JMJD7: variants seen among roughly 807,000 people sequenced by gnomAD.
The protein encoded by JMJD7 is bifunctional peptidase and (3S)-lysyl hydroxylase JMJD7.
A neutral mutation model predicts 41.1 loss-of-function variants in JMJD7; 41 were observed. The ratio of observed to expected loss-of-function variants is 1.00; its 90% CI spans 0.78 to 1.30. The LOEUF (loss-of-function observed/expected upper bound fraction) is 1.30. Ranked by LOEUF, JMJD7 falls within the 50% of genes most tolerant of loss-of-function variation. JMJD7 has a pLI of 0.00. For synonymous variants in JMJD7, 202 were observed against 177.2 expected, an observed-to-expected ratio of 1.14 and a Z score of -1.11; for missense variants, 480 against 420.7, an observed-to-expected ratio of 1.14 and a Z score of -1.23.
intron 1 of JMJD7, 40 bp from the exon 2 acceptor site, chr15:41,834,700 A>G (rs1249653462): frequency 2.5e-6 from 4 of 1,603,886 alleles, no homozygotes; most frequent in Non-Finnish European, 3.4e-6. Context: ...GGTGCTGCAG[A>G]CATCAGCCCT....
intron 1 of JMJD7, among the ~76,000 whole-genome samples, chr15:41,830,009 C>T (rs2140873254): frequency 6.6e-6 from 1 of 152,330 alleles, no homozygotes; most frequent in South Asian, 2.1e-4. Context: ...TGTCATCATG[C>T]TGGCTGCAGT....
intron 1 of JMJD7, among the ~76,000 whole-genome samples, chr15:41,832,825 C>A (rs187766362): frequency 6.6e-6 from 1 of 152,308 alleles, no homozygotes; most frequent in Admixed American, 6.5e-5. Flanking sequence ...ATGTGGTAAC[C>A]ACCAAATGGG....
At chr15:41,834,418 G>A (rs1452958867) in intron 1 of JMJD7, among the ~76,000 whole-genome samples, 1 of 152,238 alleles carries the variant, frequency 6.6e-6, no homozygotes, top group Non-Finnish European at 1.5e-5. Flanking sequence ...CCTGGTAGAT[G>A]CTAGGAGGCT....
chr15:41,830,084 GT>G (rs1221621762), intron 1 of JMJD7, among the ~76,000 whole-genome samples: 5 of 152,152 alleles, frequency 3.3e-5, no homozygotes, highest in Admixed American at 6.5e-5. Context: ...TGAGTCCCCT[GT>G]TCCCTGCATC....
chr15:41,834,595 A>T, intron 1 of JMJD7, 145 bp from the exon 2 acceptor site: 1 of 1,203,028 alleles, frequency 8.3e-7, no homozygotes, highest in Non-Finnish European at 1.2e-6. Flanking sequence ...TCATCTTTCT[A>T]TTACTGGTTG....
chr15:41,835,774 A>G (rs981070873), intron 4 of JMJD7, 130 bp downstream of exon 4: 2 of 1,175,100 alleles, frequency 1.7e-6, no homozygotes, highest in African/African-American at 1.6e-5. Context: ...TTTGGCTTCT[A>G]GGACTCGGGC....
Position 41,828,107 on chromosome 15 carries a change from G to T in JMJD7, c.-18G>T. The T allele has an allele frequency of 7.0e-7, 1 of 1,435,576 alleles. No homozygotes were observed. The highest frequency in any genetic ancestry group is 9.1e-7 in the Non-Finnish European group (1 of 1,098,050). 88.9% of individuals were successfully genotyped at this position (1,435,576 alleles called of 1,614,324 possible). ...GGCGTCGGGGAAAGGCGGGGTCTCG[G>T]CCGGCGCTGACGCAGCCATGGCGGA... On this transcript the variant is annotated 5_prime_UTR_variant, in exon 1 of 8. Coordinates refer to ENST00000397299, the MANE Select transcript of JMJD7 (RefSeq NM_001114632.2).
At chr15:41,828,418 C>T in intron 1 of JMJD7, 1 of 450,852 alleles carries the variant, frequency 2.2e-6, no homozygotes, top group Non-Finnish European at 3.8e-6. Flanking sequence ...TGACCGTGGT[C>T]GCGGCGAAGC....
chr15:41,834,764 C>A lies in JMJD7; in HGVS notation c.89C>A (p.Pro30His). ...GAGCTCTGCGTGCCTCTTGCTGTGC[C>A]CTACCTGGACAAACCCCCAACTCCG... ...ARELCVPLAV[P>H]YLDKPPTPLH... Residue 30 changes from proline to histidine, a missense_variant, in exon 2 of 8, where the codon CCC (proline) becomes CAC (histidine). Pro to His is a moderately conservative substitution (Grantham distance 77). Coordinates refer to ENST00000397299, the MANE Select transcript of JMJD7 (RefSeq NM_001114632.2). The A allele has an allele frequency of 1.2e-6, 2 of 1,614,176 alleles. No homozygotes were observed. Among genetic ancestry groups the A allele is most frequent in the Middle Eastern group, 1.6e-4 (1 of 6,062 alleles).
rs370836266 is a variant in JMJD7, at chr15:41,836,151, A to T, written c.533A>T (p.His178Leu). 4 of 1,599,648 alleles carry T rather than the reference A, an allele frequency of 2.5e-6. No homozygotes were observed. Among genetic ancestry groups the T allele is most frequent in the Non-Finnish European group, 3.4e-6 (4 of 1,172,590 alleles). The stretch of plus-strand genomic sequence containing the variant: ...CGGGCCTTCTTTCTGTTGGCAGTGC[A>T]CAAGGACCACTATGAGAACCTCTAC... ...LGEAAAVTSL[H>L]KDHYENLYCV... is the part of the protein sequence containing the mutation. The change falls in exon 5 of 8, where the codon CAC (histidine) becomes CTC (leucine). Residue 178 changes from histidine (H) to leucine (L), a missense_variant. By Grantham distance (99) the His-to-Leu change is moderately conservative (BLOSUM62 -3). Transcript: ENST00000397299.
chr15:41,831,869 T>C (rs1400632692), intron 1 of JMJD7, among the ~76,000 whole-genome samples: 3 of 152,136 alleles, frequency 2.0e-5, no homozygotes, highest in African/African-American at 7.2e-5. Context: ...CTAAAAGAGC[T>C]GTAACATGAA....
In JMJD7 at chr15:41,837,343, T is replaced by A. The variant is rs1158055303; in HGVS notation, c.*187T>A. 1 of 591,240 alleles carries A rather than the reference T, an allele frequency of 1.7e-6. No individual in the cohort carries two copies. The highest frequency in any genetic ancestry group is 1.9e-5 in the African/African-American group (1 of 53,644). The allele number at this position is 591,240 out of a possible 1,614,324, so 36.6% of individuals were successfully genotyped here. A position where few individuals can be genotyped will look rare whatever the true frequency, so the allele number is the denominator to read the frequency against. ...AAGGACTCAAGGTGCCAGGCAGGTC[T>A]GGGTGAGGGTTCTCAGGAAGTTGCC... is the stretch of plus-strand genomic sequence containing the variant. On this transcript the variant is annotated 3_prime_UTR_variant, in exon 8 of 8. Coordinates refer to ENST00000397299, the MANE Select transcript of JMJD7 (RefSeq NM_001114632.2).
rs1268978121 is a variant in JMJD7, at chr15:41,833,403, TA to T, written c.65-1336del. ...TATGTAGGTGAAATACATATATATA[TA>T]TATATATATATTTTTTTTTTTTTTT... On this transcript the variant is annotated intron_variant, in intron 1 of 7. Coordinates refer to ENST00000397299, the MANE Select transcript of JMJD7 (RefSeq NM_001114632.2). Among the ~76,000 whole-genome samples, 4 of 48,070 alleles carry T rather than the reference TA, an allele frequency of 8.3e-5. No homozygotes were observed. The South Asian group carries it at 3.3e-3, about 39-fold the overall frequency. 31.5% of individuals were successfully genotyped at this position (48,070 alleles called of 152,430 possible).
rs1198526758 is a variant in JMJD7, at chr15:41,836,277, A to T, written c.625+34A>T. The T allele has an allele frequency of 4.3e-6, 7 of 1,610,802 alleles. No individual in the cohort carries two copies. The African/African-American group carries it at 9.4e-5, about 22-fold the overall frequency. On this transcript the variant is annotated intron_variant, in intron 5 of 7. Transcript: ENST00000397299. ...TGTGGCCTGCAGGGAGGGGCTGGGG[A>T]ACAGCTGGCCCAAGGGGGAGGGAGG...
At chr15:41,832,226 T>C (rs1003328400) in intron 1 of JMJD7, among the ~76,000 whole-genome samples, 3 of 152,130 alleles carry the variant, frequency 2.0e-5, no homozygotes, top group African/African-American at 7.2e-5. Context: ...GCTGCCCCAC[T>C]CGCCCTTGGC....
At chr15:41,837,000 G>A (rs147096097) in intron 7 of JMJD7, 60 bp downstream of exon 7, 8 of 1,609,564 alleles carry the variant, frequency 5.0e-6, no homozygotes, top group East Asian at 2.2e-5. Flanking sequence ...AGGGCCTCTG[G>A]GGGGAGGCTT....
At chr15:41,828,427 G>T (rs999618088) in intron 1 of JMJD7, 22 of 440,524 alleles carry the variant, frequency 5.0e-5, no homozygotes, top group Non-Finnish European at 8.2e-5. Flanking sequence ...TCGCGGCGAA[G>T]CCCTGTGTTT....
At chr15:41,836,392 C>A in intron 5 of JMJD7, 83 bp from the exon 6 acceptor site, 1 of 1,556,964 alleles carries the variant, frequency 6.4e-7, no homozygotes, top group Non-Finnish European at 8.7e-7. Flanking sequence ...TTGCCCCTGC[C>A]CAGGGCTGGC....
In JMJD7 at chr15:41,836,526, T is replaced by A; in HGVS notation, c.677T>A (p.Val226Glu). The change falls in exon 6 of 8, where the codon GTG becomes GAG. Residue 226 changes from valine (V) to glutamate (E), a missense_variant. By Grantham distance (121) the Val-to-Glu change is moderately radical. Coordinates refer to ENST00000397299, the MANE Select transcript of JMJD7 (RefSeq NM_001114632.2). Reference protein sequence around the residue: ...YQLTEEGTFKVVDEEAMEKVP... With the variant: ...YQLTEEGTFKEVDEEAMEKVP... Reference sequence around the variant, plus strand: ...CTAACTGAAGAGGGCACCTTTAAGGTGGTGGATGAAGAGGCCATGGAGAAG... The same window carrying A: ...CTAACTGAAGAGGGCACCTTTAAGGAGGTGGATGAAGAGGCCATGGAGAAG... The A allele has an allele frequency of 3.1e-6, 5 of 1,591,114 alleles. No individual in the cohort carries two copies. The highest frequency in any genetic ancestry group is 4.3e-6 in the Non-Finnish European group (5 of 1,168,394).
Sources: gnomAD v4.1 joint callset for allele counts (sites outside exome capture counted in the v4.1 genomes callset) on GRCh38, gnomAD v4.1.1 for gene constraint, MANE v1.5 for transcripts, NCBI Gene and HGNC (gene_info 2026-07-23, HGNC 2026-07-21) for gene names.